Variants in GCFC2 observed in about 807,000 individuals in gnomAD.
GCFC2 encodes the protein GC-rich sequence DNA-binding factor 2, also known as intron Large complex component GCFC2.
GCFC2 carries 102 observed loss-of-function variants against 99.4 expected under a neutral mutation model. The ratio of observed to expected loss-of-function variants is 1.03; its 90% CI spans 0.87 to 1.21. The LOEUF (loss-of-function observed/expected upper bound fraction) is 1.21, where lower values mean the gene tolerates loss of function less well. Among genes scored for constraint, GCFC2 ranks in the 50% most tolerant of loss-of-function variants. The pLI, the probability that GCFC2 is intolerant of heterozygous loss-of-function variation, is 0.00. For synonymous variants in GCFC2, 338 were observed against 316.8 expected, an observed-to-expected ratio of 1.07 and a Z score of -0.71; for missense variants, 973 against 920.9, an observed-to-expected ratio of 1.06 and a Z score of -0.73.
chr2:75,674,677 AATTT>A (rs1039192549), intron 12 of GCFC2, among the ~76,000 whole-genome samples: 3 of 152,104 alleles, frequency 2.0e-5, no homozygotes, highest in African/African-American at 7.2e-5. Flanking sequence ...AGTAAAAGTT[AATTT>A]TTAAGTCAAT....
At chr2:75,711,933 C>T (rs1248079665), upstream of GCFC2, among the ~76,000 whole-genome samples, 2 of 152,248 alleles carry the variant, frequency 1.3e-5, no homozygotes, top group African/African-American at 2.4e-5. Context: ...CCAGTCCCAT[C>T]GACCACCCAA....
At chr2:75,680,714 A>C (rs1000042858) in intron 11 of GCFC2, among the ~76,000 whole-genome samples, 5 of 152,002 alleles carry the variant, frequency 3.3e-5, no homozygotes, top group South Asian at 2.1e-4. Context: ...CCTCTCCGTT[A>C]TCTCTCTCTC....
chr2:75,703,266 C>A (rs1680690698), intron 2 of GCFC2, among the ~76,000 whole-genome samples: 9 of 152,108 alleles, frequency 5.9e-5, no homozygotes, highest in Admixed American at 5.9e-4. Context: ...TTAAGCACTT[C>A]AAACTACTAA....
At chr2:75,706,502 A>C (rs1033490051) in intron 2 of GCFC2, 21 bp downstream of exon 2, 2 of 1,517,576 alleles carry the variant, frequency 1.3e-6, no homozygotes, top group Admixed American at 3.8e-5. Flanking sequence ...ATTCTTAACC[A>C]AAATCATACA....
chr2:75,672,744 C>T (rs1194977441), intron 13 of GCFC2, among the ~76,000 whole-genome samples: 3 of 152,144 alleles, frequency 2.0e-5, no homozygotes, highest in African/African-American at 7.2e-5. Context: ...TCTTCATCTC[C>T]CTAATATCCT....
In GCFC2 at chr2:75,673,424, T is replaced by C. The variant is rs759987770; in HGVS notation, c.1889+20A>G. On this transcript the variant is annotated intron_variant, in intron 13 of 16. Coordinates refer to ENST00000321027, the MANE Select transcript of GCFC2 (RefSeq NM_003203.5). The stretch of plus-strand genomic sequence containing the variant: ...CTATGATCAGCTATTTCCAACAATC[T>C]AGAAATTAACAGCGCTTACCTCTTT... 1 of 1,068,372 alleles carries C rather than the reference T, an allele frequency of 9.4e-7. No homozygotes were observed. 66.2% of individuals were successfully genotyped at this position (1,068,372 alleles called of 1,614,324 possible).
In GCFC2 at chr2:75,710,323, T is replaced by A. The variant is rs143024272; in HGVS notation, c.265+268A>T. ...ACTGTGTTAGTTATAACTGATGGAG[T>A]CAACTGATGGTGAAAACGAAGAGCC... On this transcript the variant is annotated intron_variant, in intron 1 of 16. Transcript: ENST00000321027. 5.3e-6 allele frequency: 3 copies of A among 563,056 alleles called. No homozygotes were observed. The African/African-American group carries it at 5.9e-5, about 11-fold the overall frequency. 34.9% of individuals were successfully genotyped at this position (563,056 alleles called of 1,614,324 possible).
intron 15 of GCFC2, among the ~76,000 whole-genome samples, chr2:75,668,246 G>A (rs1169250032): frequency 6.6e-6 from 1 of 152,054 alleles, no homozygotes; most frequent in Non-Finnish European, 1.5e-5. Context: ...GACCCCAGAC[G>A]GTAGTTAGAT....
chr2:75,678,849 G>C (rs1476399889), intron 12 of GCFC2, among the ~76,000 whole-genome samples: 1 of 152,120 alleles, frequency 6.6e-6, no homozygotes, highest in Non-Finnish European at 1.5e-5. Flanking sequence ...GGGCTCAAGG[G>C]GGAGCCCAGC....
chr2:75,702,574 T>C (rs1680658121), intron 2 of GCFC2, 151 bp from the exon 3 acceptor site: 2 of 622,850 alleles, frequency 3.2e-6, no homozygotes, highest in South Asian at 4.2e-5. Flanking sequence ...TCAAAATCTG[T>C]ATCAGCAAAG....
At chr2:75,696,453 C>T in intron 4 of GCFC2, 138 bp from the exon 5 acceptor site, 1 of 469,356 alleles carries the variant, frequency 2.1e-6, no homozygotes, top group Non-Finnish European at 3.9e-6. Context: ...TTTCATGGTC[C>T]CAATAAAATG....
At chr2:75,696,877 C>T (rs1005186376) in intron 4 of GCFC2, among the ~76,000 whole-genome samples, 2 of 152,146 alleles carry the variant, frequency 1.3e-5, no homozygotes, top group African/African-American at 2.4e-5. Flanking sequence ...GCTCCGCCTC[C>T]TGGGTTCACG....
intron 7 of GCFC2, among the ~76,000 whole-genome samples, chr2:75,691,222 T>C (rs1209284443): frequency 6.6e-6 from 1 of 152,202 alleles, no homozygotes; most frequent in Non-Finnish European, 1.5e-5. Context: ...TGTAAGAGAC[T>C]AACAATAGCA....
At chr2:75,712,910 A>G (rs1681248014), upstream of GCFC2, among the ~76,000 whole-genome samples, 1 of 152,192 alleles carries the variant, frequency 6.6e-6, no homozygotes, top group African/African-American at 2.4e-5. Context: ...CCATAAAGGG[A>G]CTACTTATAC....
At chr2:75,672,218 AAAATATATATTTATATATTTAT>A (rs1679125873) in intron 13 of GCFC2, among the ~76,000 whole-genome samples, 2 of 139,520 alleles carry the variant, frequency 1.4e-5, no homozygotes, top group Non-Finnish European at 3.1e-5. Context: ...ATATGTTTAT[AAAATATATATTTATATATTTAT>A]AAATATGTTT....
chr2:75,711,033 TG>T, upstream of GCFC2: 1 of 1,336,794 alleles, frequency 7.5e-7, no homozygotes, highest in Non-Finnish European at 9.5e-7. Context: ...TCCCTGGATC[TG>T]GTAGGCCGAG....
At position 75,688,053 on chromosome 2, in the gene GCFC2, C is replaced by T. The variant is rs1437382060; in HGVS notation, c.1540-76G>A. On this transcript the variant is annotated intron_variant, in intron 10 of 16. Coordinates refer to ENST00000321027, the MANE Select transcript of GCFC2 (RefSeq NM_003203.5). ...ATTTTTAAATAGTTATTATTTTTTT[C>T]AATAATCACCAGAGCTTTTCTAAGG... is the stretch of plus-strand genomic sequence containing the variant. 9.3e-6 allele frequency: 8 copies of T among 855,874 alleles called. No individual in the cohort carries two copies. The Admixed American group carries it at 2.4e-4, about 26-fold the overall frequency. 53.0% of individuals were successfully genotyped at this position (855,874 alleles called of 1,614,324 possible).
intron 11 of GCFC2, among the ~76,000 whole-genome samples, chr2:75,682,390 A>T (rs543432753): frequency 1.3e-3 from 191 of 152,040 alleles, no homozygotes; most frequent in Non-Finnish European, 2.4e-3. Context: ...AACAGAAAAG[A>T]ATAGTATCAG....
At chr2:75,681,783 G>A (rs1679590292) in intron 11 of GCFC2, among the ~76,000 whole-genome samples, 2 of 151,868 alleles carry the variant, frequency 1.3e-5, no homozygotes, top group Admixed American at 1.3e-4. Context: ...CACTGCTGAG[G>A]CTTCAGTAGC....
Sources: gnomAD v4.1 joint callset for allele counts (sites outside exome capture counted in the v4.1 genomes callset) on GRCh38, gnomAD v4.1.1 for gene constraint, MANE v1.5 for transcripts, NCBI Gene and HGNC (gene_info 2026-07-23, HGNC 2026-07-21) for gene names.